The following PCDHGB6 variants were observed in gnomAD, a reference collection of about 807,000 sequenced individuals.
PCDHGB6 encodes protocadherin gamma subfamily B, 6, also known as protocadherin gamma-B6.
PCDHGB6 carries 51 observed loss-of-function variants against 59.1 expected under a neutral mutation model. The observed-to-expected ratio is 0.86, with a 90% CI of 0.69 to 1.09. PCDHGB6 has a LOEUF of 1.09. Ranked by LOEUF, PCDHGB6 falls within the 50% of genes least tolerant of loss-of-function variation. The pLI is 0.00. For missense variants in PCDHGB6, 1,148 were observed against 1,205.1 expected (o/e 0.95, Z 0.70); for synonymous variants, 466 against 495.1 (o/e 0.94, Z 0.78).
rs539620413 is a variant in PCDHGB6, at chr5:141,488,489, G to GT, written c.2419-6317dup. Among the ~76,000 whole-genome samples the GT allele has an allele frequency of 1.6e-4, 25 of 152,268 alleles. No homozygotes were observed. In the South Asian group the frequency reaches 4.6e-3, roughly 28 times the overall value. On this transcript the variant is annotated intron_variant, in intron 1 of 3. Transcript: ENST00000520790. ...AGAAATGTTCCCCTACCCAAAAACT[G>GT]TAACACTCATTCCACATTTGGGGTC...
At position 141,487,152 on chromosome 5, in the gene PCDHGB6, C is replaced by T. The variant is rs772254681; in HGVS notation, c.2419-7655C>T. On this transcript the variant is annotated intron_variant, in intron 1 of 3. Coordinates refer to ENST00000520790, the MANE Select transcript of PCDHGB6 (RefSeq NM_018926.3). The surrounding 1 kb of genome is among the most constrained non-coding windows in gnomAD (Gnocchi z 5.0). ...AGTCCACCACTCTCTACCTCTGTTA[C>T]TCTCTTAGTGTCCTTAGAGGAAGAC... 3.7e-6 allele frequency: 6 copies of T among 1,613,860 alleles called. No homozygotes were observed. Among genetic ancestry groups the T allele is most frequent in the Non-Finnish European group, 5.1e-6 (6 of 1,179,828 alleles).
In PCDHGB6 at chr5:141,491,556, C is replaced by T. The variant is rs2099720720; in HGVS notation, c.2419-3251C>T. The T allele has an allele frequency of 1.2e-6, 2 of 1,613,848 alleles. No homozygotes were observed. The highest frequency in any genetic ancestry group is 1.7e-5 in the Admixed American group (1 of 60,000). ...TGCGGCCCACAGACTCGCAGAGCCA[C>T]TGCTACAGGACGTGCTTTTCACCGG... On this transcript the variant is annotated intron_variant, in intron 1 of 3. Transcript: ENST00000520790. The surrounding 1 kb of genome is among the most constrained non-coding windows in gnomAD (Gnocchi z 6.9).
At chr5:141,421,979 G>C in intron 1 of PCDHGB6, 1 of 1,609,702 alleles carries the variant, frequency 6.2e-7, no homozygotes, top group Non-Finnish European at 8.5e-7. Flanking sequence ...TATCGCGTGA[G>C]TGTTCCAGAA....
At chr5:141,502,887 G>T (rs2099816882) in intron 2 of PCDHGB6, among the ~76,000 whole-genome samples, 1 of 40,910 alleles carries the variant, frequency 2.4e-5, no homozygotes, top group Non-Finnish European at 4.5e-5. Context: ...TTTTGACAGG[G>T]AGTCTAGCTC....
intron 1 of PCDHGB6, among the ~76,000 whole-genome samples, chr5:141,481,426 A>G (rs1431602618): frequency 6.6e-6 from 1 of 152,238 alleles, no homozygotes; most frequent in Non-Finnish European, 1.5e-5. Flanking sequence ...TGTGATGATG[A>G]TTGTATCAGT....
rs1594492695 is a variant in PCDHGB6 at position 141,485,536 on chromosome 5, A to G, written c.2419-9271A>G. On this transcript the variant is annotated intron_variant, in intron 1 of 3. Transcript: ENST00000520790. The surrounding 1 kb of genome is among the most constrained non-coding windows in gnomAD (Gnocchi z 5.7). ...CTTTGGAAATGTACCGAGCAGAGGTAGAGATCGTAGATGTGAATGATCACG... is the reference window on the plus strand; with the variant it reads ...CTTTGGAAATGTACCGAGCAGAGGTGGAGATCGTAGATGTGAATGATCACG... 3 of 1,613,976 alleles carry G rather than the reference A, an allele frequency of 1.9e-6. No homozygotes were observed. The highest frequency in any genetic ancestry group is 2.5e-6 in the Non-Finnish European group (3 of 1,179,946).
intron 1 of PCDHGB6, chr5:141,413,001 G>A (rs2095597089): frequency 1.7e-6 from 1 of 592,790 alleles, no homozygotes; most frequent in Non-Finnish European, 2.8e-6. Flanking sequence ...CGGATTCTCA[G>A]GGCTTCAACT....
At chr5:141,503,363 G>A (rs2099819478) in intron 2 of PCDHGB6, among the ~76,000 whole-genome samples, 2 of 152,132 alleles carry the variant, frequency 1.3e-5, no homozygotes, top group East Asian at 1.9e-4. Context: ...TTGGGAAGCG[G>A]AGGCAGGTGG....
At chr5:141,413,639 G>T (rs893578830) in intron 1 of PCDHGB6, 1 of 1,613,736 alleles carries the variant, frequency 6.2e-7, no homozygotes, top group African/African-American at 1.3e-5. Flanking sequence ...GCGGGAATGC[G>T]TTTTCCTCTC....
intron 1 of PCDHGB6, among the ~76,000 whole-genome samples, chr5:141,473,267 C>G (rs1458810488): frequency 1.3e-5 from 2 of 152,248 alleles, no homozygotes; most frequent in African/African-American, 2.4e-5. Flanking sequence ...TTAGTGTATG[C>G]TATGATTATT....
intron 1 of PCDHGB6, among the ~76,000 whole-genome samples, chr5:141,455,445 C>T (rs1175054167): frequency 6.6e-6 from 1 of 152,134 alleles, no homozygotes; most frequent in Non-Finnish European, 1.5e-5. Context: ...TCCCCATCTA[C>T]CGCGGATACC....
chr5:141,472,980 C>CAAAAAAAAAAAAAAA (rs60579131), intron 1 of PCDHGB6, among the ~76,000 whole-genome samples: 13 of 86,076 alleles, frequency 1.5e-4, no homozygotes, highest in African/African-American at 1.9e-4. Context: ...GAGTGAAACT[C>CAAAAAAAAAAAAAAA]AAAAAAAAAA....
Position 141,490,179 on chromosome 5 carries a change from A to G in PCDHGB6, c.2419-4628A>G. On this transcript the variant is annotated intron_variant, in intron 1 of 3. Transcript: ENST00000520790. This position sits in a 1 kb window ranked among gnomAD's most constrained non-coding sequence, Gnocchi z 5.4. Reference sequence around the variant, plus strand: ...TGGGTCCCATAGACTTTGAGGAGTCACGTTTCTATGAAATTCATGCAAGAG... The same window carrying G: ...TGGGTCCCATAGACTTTGAGGAGTCGCGTTTCTATGAAATTCATGCAAGAG... 1 of 1,614,202 alleles carries G rather than the reference A, an allele frequency of 6.2e-7. No individual in the cohort carries two copies. Among genetic ancestry groups the G allele is most frequent in the East Asian group, 2.2e-5 (1 of 44,882 alleles).
At chr5:141,455,506 G>T (rs1307993951) in intron 1 of PCDHGB6, among the ~76,000 whole-genome samples, 1 of 152,152 alleles carries the variant, frequency 6.6e-6, no homozygotes, top group African/African-American at 2.4e-5. Flanking sequence ...ATTTGCATAG[G>T]GCTCAGGGGA....
intron 1 of PCDHGB6, chr5:141,430,875 T>A (rs1323872183): frequency 6.3e-7 from 1 of 1,599,400 alleles, no homozygotes; most frequent in Non-Finnish European, 8.5e-7. Context: ...CCGGAAGAGC[T>A]GGAGAAAGGC....
chr5:141,429,105 C>A (rs936114624), intron 1 of PCDHGB6: 2 of 152,318 alleles, frequency 1.3e-5, no homozygotes, highest in African/African-American at 4.8e-5. Flanking sequence ...CTGCCCGCCT[C>A]GGCCTCCCAA....
chr5:141,491,747 G>C lies in PCDHGB6; in HGVS notation c.2419-3060G>C. 6.3e-7 allele frequency: 1 copy of C among 1,591,872 alleles called. No homozygotes were observed. The highest frequency in any genetic ancestry group is 8.5e-7 in the Non-Finnish European group (1 of 1,170,328). ...CGGGCGACCCCTGGGGGCGGCACTG[G>C]AGAAGCCGCCCGTCCTCATAAGGGA... On this transcript the variant is annotated intron_variant, in intron 1 of 3. Transcript: ENST00000520790. This position sits in a 1 kb window ranked among gnomAD's most constrained non-coding sequence, Gnocchi z 6.9.
At chr5:141,446,894 A>C (rs1413761456) in intron 1 of PCDHGB6, among the ~76,000 whole-genome samples, 3 of 152,118 alleles carry the variant, frequency 2.0e-5, no homozygotes, top group Non-Finnish European at 2.9e-5. Flanking sequence ...TTCATGGCTG[A>C]GCTACTTTTG....
rs768635851 is a variant in PCDHGB6 at position 141,489,334 on chromosome 5, C to G, written c.2419-5473C>G. 2 of 1,606,614 alleles carry G rather than the reference C, an allele frequency of 1.2e-6. No individual in the cohort carries two copies. Among genetic ancestry groups the G allele is most frequent in the Non-Finnish European group, 1.7e-6 (2 of 1,175,584 alleles). On this transcript the variant is annotated intron_variant, in intron 1 of 3. Coordinates refer to ENST00000520790, the MANE Select transcript of PCDHGB6 (RefSeq NM_018926.3). The surrounding 1 kb of genome is among the most constrained non-coding windows in gnomAD (Gnocchi z 4.5). Reference sequence around the variant, plus strand: ...CTGGGGCTGGGTGTCTGGGCAGCTTCGTTACTCAGTGGTGGAGGAGTCTGA... The same window carrying G: ...CTGGGGCTGGGTGTCTGGGCAGCTTGGTTACTCAGTGGTGGAGGAGTCTGA...
Sources: gnomAD v4.1 joint callset for allele counts (sites outside exome capture counted in the v4.1 genomes callset) on GRCh38, gnomAD v4.1.1 for gene constraint, Gnocchi (gnomAD v3.1) non-coding constraint, MANE v1.5 for transcripts, NCBI Gene and HGNC (gene_info 2026-07-23, HGNC 2026-07-21) for gene names.